The following DAB1 variants were observed in gnomAD, a reference collection of about 807,000 sequenced individuals.
DAB1 encodes DAB adaptor protein 1.
DAB1 carries 15 observed loss-of-function variants against 64.6 expected under a neutral mutation model. That is an observed-to-expected ratio of 0.23 (90% CI 0.16 to 0.36). The LOEUF (loss-of-function observed/expected upper bound fraction) is 0.36, where lower values mean the gene tolerates loss of function less well. Among genes scored for constraint, DAB1 ranks in the 10% least tolerant of loss-of-function variants. DAB1 has a pLI of 1.00. For synonymous variants in DAB1, 235 were observed against 251.9 expected (o/e 0.93, Z 0.64); for missense variants, 596 against 706.7 (o/e 0.84, Z 1.78).
intron 6 of DAB1, among the ~76,000 whole-genome samples, chr1:57,744,228 T>C (rs183307716): frequency 6.6e-6 from 1 of 152,316 alleles, no homozygotes; most frequent in Non-Finnish European, 1.5e-5. Flanking sequence ...TCCATTAGAA[T>C]GATAATTGGT....
intron 4 of DAB1, among the ~76,000 whole-genome samples, chr1:58,257,442 C>G (rs1385143538): frequency 6.6e-6 from 1 of 152,152 alleles, no homozygotes; most frequent in Non-Finnish European, 1.5e-5. Context: ...GGTGTTAACA[C>G]CTTTTTTTTT....
chr1:58,136,370 C>A (rs77444607), intron 5 of DAB1, among the ~76,000 whole-genome samples: 2 of 152,100 alleles, frequency 1.3e-5, no homozygotes, highest in Non-Finnish European at 2.9e-5. Context: ...TTTCATATGT[C>A]CCCCACGCCC....
chr1:58,059,337 T>A (rs113015483), intron 5 of DAB1, among the ~76,000 whole-genome samples: 4 of 152,170 alleles, frequency 2.6e-5, no homozygotes, highest in Admixed American at 2.0e-4. Context: ...TCTTCATCCA[T>A]AAAATGGCAA....
chr1:57,572,465 A>G (rs1329427908), intron 7 of DAB1, among the ~76,000 whole-genome samples: 1 of 152,182 alleles, frequency 6.6e-6, no homozygotes, highest in Non-Finnish European at 1.5e-5. Flanking sequence ...AATCCTTGCT[A>G]TAATACTTTC....
intron 2 of DAB1, among the ~76,000 whole-genome samples, chr1:57,180,902 G>T (rs531311708): frequency 3.9e-5 from 6 of 152,280 alleles, no homozygotes; most frequent in Admixed American, 3.9e-4. Flanking sequence ...TCATTGGCAT[G>T]GTCATAGCAC....
chr1:58,031,928 T>C (rs555015729), intron 5 of DAB1, among the ~76,000 whole-genome samples: 2 of 151,344 alleles, frequency 1.3e-5, no homozygotes, highest in East Asian at 1.9e-4. Flanking sequence ...AAGGTTGAAA[T>C]TGTAAAAAAA....
intron 1 of DAB1, among the ~76,000 whole-genome samples, chr1:57,351,379 C>T (rs1454796442): frequency 6.6e-6 from 1 of 152,088 alleles, no homozygotes; most frequent in Non-Finnish European, 1.5e-5. Flanking sequence ...GGCATGTCTT[C>T]GACCTTCACA....
chr1:58,319,546 C>A lies in DAB1; in HGVS notation n.309+23806G>T, dbSNP rs552948082. On this transcript the variant is annotated intron_variant and non_coding_transcript_variant, in intron 4 of 20. Transcript: ENST00000485760. The stretch of plus-strand genomic sequence containing the variant: ...CTCCTCTCTGAACAATTCCTTTATT[C>A]TTTTCTCTGTCTGCAGAATGACTTC... Among the ~76,000 whole-genome samples the A allele has an allele frequency of 8.5e-5, 13 of 152,302 alleles. No homozygotes were observed. The Middle Eastern group carries it at 0.01, about 120-fold the overall frequency.
At chr1:57,721,706 G>C (rs1213279202) in intron 6 of DAB1, among the ~76,000 whole-genome samples, 1 of 152,142 alleles carries the variant, frequency 6.6e-6, no homozygotes, top group Non-Finnish European at 1.5e-5. Flanking sequence ...TGGGACCAGG[G>C]CCAGTAGCTG....
intron 4 of DAB1, among the ~76,000 whole-genome samples, 175 bp from the exon 5 acceptor site, chr1:57,072,589 C>T (rs922119381): frequency 2.0e-5 from 3 of 152,198 alleles, no homozygotes; most frequent in African/African-American, 7.2e-5. Context: ...GGAGGCTTCC[C>T]TCTATGGTCT....
chr1:58,086,836 T>G (rs1352195586), intron 5 of DAB1, among the ~76,000 whole-genome samples: 2 of 152,008 alleles, frequency 1.3e-5, no homozygotes, highest in African/African-American at 4.8e-5. Context: ...CCCAATAAGA[T>G]GTCTTTTCCT....
At chr1:58,429,586 C>T (rs998678089) in intron 3 of DAB1, among the ~76,000 whole-genome samples, 2 of 152,012 alleles carry the variant, frequency 1.3e-5, no homozygotes, top group East Asian at 3.9e-4. Flanking sequence ...ACTCTCAGTA[C>T]AGTAAGGGAG....
chr1:58,131,414 T>C (rs965490069), intron 5 of DAB1, among the ~76,000 whole-genome samples: 9 of 145,082 alleles, frequency 6.2e-5, no homozygotes, highest in Admixed American at 3.4e-4. Flanking sequence ...TGTCCTCCCA[T>C]AGCTCAGAGT....
At chr1:58,259,487 T>G (rs541746638) in intron 4 of DAB1, among the ~76,000 whole-genome samples, 2 of 152,358 alleles carry the variant, frequency 1.3e-5, no homozygotes, top group African/African-American at 4.8e-5. Flanking sequence ...CCTCCAGTGC[T>G]TCAAGTGTGC....
intron 6 of DAB1, among the ~76,000 whole-genome samples, chr1:57,697,443 A>AG (rs1646858355): frequency 1.3e-5 from 2 of 150,622 alleles, no homozygotes; most frequent in Non-Finnish European, 2.9e-5. Context: ...AAAAAAAAAA[A>AG]AAAAAAAGGA....
chr1:57,578,419 T>C (rs1439253460), intron 7 of DAB1, among the ~76,000 whole-genome samples: 5 of 152,208 alleles, frequency 3.3e-5, no homozygotes, highest in Non-Finnish European at 5.9e-5. Flanking sequence ...GCTTTGGAGT[T>C]ACAGGCTTAC....
chr1:57,962,330 C>T (rs952623111), intron 5 of DAB1, among the ~76,000 whole-genome samples: 2 of 152,042 alleles, frequency 1.3e-5, no homozygotes, highest in Non-Finnish European at 2.9e-5. Context: ...TATTATTACT[C>T]TTATTTTTCC....
chr1:57,034,056 G>A (rs762387046), intron 9 of DAB1, among the ~76,000 whole-genome samples: 19 of 152,014 alleles, frequency 1.2e-4, no homozygotes, highest in African/African-American at 2.9e-4. Flanking sequence ...CCGAGGAGGC[G>A]GATCACGAGG....
At chr1:57,242,701 T>C (rs1164939646) in intron 2 of DAB1, among the ~76,000 whole-genome samples, 1 of 152,234 alleles carries the variant, frequency 6.6e-6, no homozygotes, top group Non-Finnish European at 1.5e-5. Context: ...TTTTTTGAAG[T>C]CATTTCTGAT....
Sources: allele counts gnomAD v4.1 joint callset (sites outside exome capture counted in the v4.1 genomes callset), GRCh38; gene constraint gnomAD v4.1.1; transcripts MANE v1.5; gene names NCBI Gene and HGNC (gene_info 2026-07-23, HGNC 2026-07-21).